ZNF831: variants seen among roughly 807,000 people sequenced by gnomAD.
The protein encoded by ZNF831 is zinc finger protein 831.
ZNF831 carries 59 observed loss-of-function variants against 95.8 expected under a neutral mutation model. That is an observed-to-expected ratio of 0.62 (90% CI 0.50 to 0.77). The LOEUF is 0.77. Among genes scored for constraint, ZNF831 ranks in the 30% least tolerant of loss-of-function variants. The pLI is 0.00. For synonymous variants in ZNF831, 961 were observed against 925.5 expected, an observed-to-expected ratio of 1.04 and a Z score of -0.70; for missense variants, 2,205 against 2,164.0, an observed-to-expected ratio of 1.02 and a Z score of -0.38.
At chr20:59,126,734 C>T (rs541259664) in intron 1 of ZNF831, among the ~76,000 whole-genome samples, 19 of 152,362 alleles carry the variant, frequency 1.2e-4, no homozygotes, top group Admixed American at 2.0e-4. Flanking sequence ...CATCAGCCAC[C>T]TTGCACATGC....
At position 59,254,043 on chromosome 20, in the gene ZNF831, T is replaced by G. The variant is rs2146763106; in HGVS notation, c.4334T>G (p.Leu1445Trp). The change falls in exon 6 of 6, where the codon TTG becomes TGG. Residue 1445 changes from leucine to tryptophan, a missense_variant. Physicochemically the swap from Leu to Trp is moderately conservative, Grantham distance 61. Transcript: ENST00000371030. This position sits in a 1 kb window ranked among gnomAD's most constrained non-coding sequence, Gnocchi z 4.5. ...LPPGKGLDLGLLETQLLASQD... is the reference protein window; with the variant it reads ...LPPGKGLDLGWLETQLLASQD... ...CCTGGCAAAGGTCTTGACCTTGGGT[T>G]GCTGGAGACTCAGCTGCTGGCCTCC... The G allele has an allele frequency of 6.2e-7, 1 of 1,614,118 alleles. No homozygotes were observed. Among genetic ancestry groups the G allele is most frequent in the Non-Finnish European group, 8.5e-7 (1 of 1,180,012 alleles).
chr20:59,199,084 TATCTATCTATCTATCTATC>T (rs1304465268), intron 3 of ZNF831, among the ~76,000 whole-genome samples: 120 of 35,538 alleles, frequency 3.4e-3, no homozygotes, highest in Non-Finnish European at 8.6e-4. Context: ...TCTATCTATC[TATCTATCTATCTATCTATC>T]TATCTATCTA....
At chr20:59,129,628 G>T (rs1979287217) in intron 1 of ZNF831, among the ~76,000 whole-genome samples, 1 of 152,142 alleles carries the variant, frequency 6.6e-6, no homozygotes, top group South Asian at 2.1e-4. Context: ...GGCTCAAACA[G>T]ACAAACAAAC....
At chr20:59,237,679 C>G (rs1987078415) in intron 4 of ZNF831, among the ~76,000 whole-genome samples, 1 of 152,184 alleles carries the variant, frequency 6.6e-6, no homozygotes, top group Non-Finnish European at 1.5e-5. Context: ...CCTTTGAGGG[C>G]TGTCAGGACC....
At chr20:59,242,126 T>TTTA (rs1347561868) in intron 4 of ZNF831, among the ~76,000 whole-genome samples, 1 of 152,238 alleles carries the variant, frequency 6.6e-6, no homozygotes, top group East Asian at 1.9e-4. Context: ...CCAACTCTAA[T>TTTA]ATTTTCTTTC....
intron 4 of ZNF831, among the ~76,000 whole-genome samples, chr20:59,236,469 T>G (rs1262454247): frequency 6.6e-6 from 1 of 152,144 alleles, no homozygotes; most frequent in Non-Finnish European, 1.5e-5. Context: ...TGTTTTTTGT[T>G]TTTTTGAGAC....
At chr20:59,222,493 T>TC (rs1491273951) in intron 4 of ZNF831, among the ~76,000 whole-genome samples, 35 of 143,372 alleles carry the variant, frequency 2.4e-4, no homozygotes, top group South Asian at 8.8e-4. Flanking sequence ...TCTCTCTCTC[T>TC]TTTTTTTTTT....
intron 2 of ZNF831, among the ~76,000 whole-genome samples, chr20:59,155,269 A>C (rs1484516872): frequency 6.6e-6 from 1 of 152,246 alleles, no homozygotes; most frequent in Non-Finnish European, 1.5e-5. Flanking sequence ...AGTAGGAGGA[A>C]GGGAAGGAAG....
chr20:59,251,227 A>T (rs1169494647), intron 4 of ZNF831, among the ~76,000 whole-genome samples: 2 of 152,228 alleles, frequency 1.3e-5, no homozygotes, highest in East Asian at 3.8e-4. Context: ...CATGATTCAG[A>T]TTGAAAGAAT....
chr20:59,218,275 G>C (rs749958434), intron 4 of ZNF831, among the ~76,000 whole-genome samples: 1 of 152,210 alleles, frequency 6.6e-6, no homozygotes, highest in South Asian at 2.1e-4. Flanking sequence ...CAATATGAGA[G>C]CAGTGTTTCT....
intron 4 of ZNF831, among the ~76,000 whole-genome samples, chr20:59,230,177 G>A (rs1170788113): frequency 6.6e-6 from 1 of 152,164 alleles, no homozygotes; most frequent in African/African-American, 2.4e-5. Flanking sequence ...GCAAACTTTT[G>A]CTGTAAAAGA....
intron 2 of ZNF831, among the ~76,000 whole-genome samples, chr20:59,158,289 G>A (rs190895544): frequency 7.9e-5 from 12 of 152,360 alleles, no homozygotes; most frequent in Middle Eastern, 3.4e-3. Flanking sequence ...ACAGCCTGGC[G>A]TGCGCAGGAA....
At position 59,208,026 on chromosome 20, in the gene ZNF831, T is replaced by G. The variant is rs531408241; in HGVS notation, c.4027+970T>G. Among the ~76,000 whole-genome samples the G allele has an allele frequency of 6.6e-6, 1 of 152,356 alleles. No individual in the cohort carries two copies. Among genetic ancestry groups the G allele is most frequent in the East Asian group, 1.9e-4 (1 of 5,184 alleles). The stretch of plus-strand genomic sequence containing the variant: ...GAGCCTTCCAGGGTAGGCAAGGACA[T>G]GGAGTAGTCTTGTTTCCCAGAGAGA... On this transcript the variant is annotated intron_variant, in intron 4 of 5. Transcript: ENST00000371030. This position sits in a 1 kb window ranked among gnomAD's most constrained non-coding sequence, Gnocchi z 4.2.
chr20:59,202,105 T>A (rs1984571480), intron 3 of ZNF831, among the ~76,000 whole-genome samples: 1 of 152,190 alleles, frequency 6.6e-6, no homozygotes, highest in Non-Finnish European at 1.5e-5. Flanking sequence ...GTTTTTTACT[T>A]GGGATGGTAA....
At chr20:59,202,358 A>T in intron 3 of ZNF831, among the ~76,000 whole-genome samples, 1 of 138,440 alleles carries the variant, frequency 7.2e-6, no homozygotes, top group Admixed American at 7.2e-5. Context: ...AAACACATCT[A>T]ATGTTTTGCA....
At chr20:59,241,583 AAAAT>A (rs1987340526) in intron 4 of ZNF831, among the ~76,000 whole-genome samples, 1 of 152,248 alleles carries the variant, frequency 6.6e-6, no homozygotes, top group Admixed American at 6.5e-5. Flanking sequence ...TGACACTTGT[AAAAT>A]AAGCCAGAAA....
chr20:59,185,864 G>A (rs1982986999), intron 1 of ZNF831, among the ~76,000 whole-genome samples: 1 of 152,182 alleles, frequency 6.6e-6, no homozygotes, highest in South Asian at 2.1e-4. Flanking sequence ...GTTTCCTTAG[G>A]GTTTGGGGCT....
intron 1 of ZNF831, among the ~76,000 whole-genome samples, chr20:59,133,456 T>A (rs1381542380): frequency 6.6e-6 from 1 of 152,220 alleles, no homozygotes; most frequent in African/African-American, 2.4e-5. Flanking sequence ...ATTTTTGTGA[T>A]AATTTAAAGC....
Position 59,169,741 on chromosome 20 carries a change from A to T in ZNF831, c.-37+5534A>T, listed in dbSNP as rs1981574398. On this transcript the variant is annotated intron_variant, in intron 1 of 5. Coordinates refer to ENST00000371030, the MANE Select transcript of ZNF831 (RefSeq NM_178457.3). The surrounding 1 kb of genome is among the most constrained non-coding windows in gnomAD (Gnocchi z 4.1). ...ATGATGAAACCCTATCTCTACTAAA[A>T]ATACAAAAATTAGCCGGGCATGATG... 1.3e-5 allele frequency among the ~76,000 whole-genome samples: 2 copies of T among 152,204 alleles called. No individual in the cohort carries two copies. The highest frequency in any genetic ancestry group is 3.9e-4 in the East Asian group (2 of 5,166).
Sources: allele counts gnomAD v4.1 joint callset (sites outside exome capture counted in the v4.1 genomes callset), GRCh38; gene constraint gnomAD v4.1.1; non-coding constraint Gnocchi (gnomAD v3.1); transcripts MANE v1.5; gene names NCBI Gene and HGNC (gene_info 2026-07-23, HGNC 2026-07-21).